Variants in GRID1 observed in about 807,000 individuals in gnomAD.
GRID1 encodes the protein glutamate receptor ionotropic, delta-1.
A neutral mutation model predicts 98.0 loss-of-function variants in GRID1; 28 were observed. The ratio of observed to expected loss-of-function variants is 0.29; its 90% CI spans 0.21 to 0.39. GRID1 has a LOEUF of 0.39. Among genes scored for constraint, GRID1 ranks in the 10% least tolerant of loss-of-function variants. The probability of loss-of-function intolerance (pLI) is 1.00; values close to 1 mark genes in which losing one functional copy is unlikely to be tolerated. For missense variants in GRID1, 1,111 were observed against 1,340.5 expected, an observed-to-expected ratio of 0.83 and a Z score of 2.67; for synonymous variants, 553 against 538.5, an observed-to-expected ratio of 1.03 and a Z score of -0.37.
At chr10:85,935,887 C>T (rs1841919222) in intron 4 of GRID1, among the ~76,000 whole-genome samples, 1 of 152,226 alleles carries the variant, frequency 6.6e-6, no homozygotes, top group African/African-American at 2.4e-5. Flanking sequence ...AAACTCTCTG[C>T]ACACTACCTT....
chr10:85,743,434 G>A (rs916471263), intron 8 of GRID1, among the ~76,000 whole-genome samples: 3 of 152,096 alleles, frequency 2.0e-5, no homozygotes, highest in Non-Finnish European at 2.9e-5. Context: ...TACAAAATTT[G>A]GGGTTGTCAT....
At chr10:86,183,631 T>A (rs1383135829) in intron 3 of GRID1, among the ~76,000 whole-genome samples, 1 of 152,232 alleles carries the variant, frequency 6.6e-6, no homozygotes, top group Non-Finnish European at 1.5e-5. Flanking sequence ...AGTGCTGGGA[T>A]TACAGGCGTG....
At chr10:85,643,692 C>T (rs1395869647) in intron 13 of GRID1, among the ~76,000 whole-genome samples, 2 of 152,036 alleles carry the variant, frequency 1.3e-5, no homozygotes, top group South Asian at 2.1e-4. Flanking sequence ...GTTATAAAAC[C>T]CTTAACATTT....
chr10:85,728,187 C>G, intron 9 of GRID1, 135 bp from the exon 10 acceptor site: 1 of 687,088 alleles, frequency 1.5e-6, no homozygotes, highest in East Asian at 2.6e-5. Flanking sequence ...CTCAACTTCT[C>G]TGCCTTTTTC....
rs546184360 is a variant in GRID1 at position 85,949,580 on chromosome 10, T to A, written c.727-33341A>T. ...GTTTCCAGGTTTTTGCTATTATGGA[T>A]GGTGCTGCCACATTGTTTGTGCTCT... On this transcript the variant is annotated intron_variant, in intron 4 of 15. Coordinates refer to ENST00000327946, the MANE Select transcript of GRID1 (RefSeq NM_017551.3). Among the ~76,000 whole-genome samples the A allele has an allele frequency of 1.5e-3, 224 of 152,322 alleles. 1 individual carries two copies. The highest frequency in any genetic ancestry group is 5.1e-3 in the African/African-American group (210 of 41,566).
At chr10:85,743,629 A>T (rs923635205) in intron 8 of GRID1, among the ~76,000 whole-genome samples, 3 of 152,154 alleles carry the variant, frequency 2.0e-5, no homozygotes, top group Admixed American at 2.0e-4. Flanking sequence ...AAATATTGGA[A>T]GCTGAAAAAG....
chr10:86,311,364 G>A (rs1444578847), intron 2 of GRID1, among the ~76,000 whole-genome samples: 3 of 152,200 alleles, frequency 2.0e-5, no homozygotes, highest in Non-Finnish European at 4.4e-5. Context: ...AGTCGGGGCA[G>A]CTGGGAGACC....
At chr10:86,037,452 T>C (rs1843281351) in intron 4 of GRID1, among the ~76,000 whole-genome samples, 1 of 152,196 alleles carries the variant, frequency 6.6e-6, no homozygotes, top group African/African-American at 2.4e-5. Flanking sequence ...TGAGGACTGA[T>C]GTGCTACTTT....
At chr10:85,839,300 A>G (rs534215791) in intron 8 of GRID1, among the ~76,000 whole-genome samples, 22 of 152,318 alleles carry the variant, frequency 1.4e-4, no homozygotes, top group African/African-American at 5.3e-4. Context: ...ACTTATGGAT[A>G]TCTACAGACC....
chr10:85,845,367 A>G (rs1268954961), intron 8 of GRID1, among the ~76,000 whole-genome samples: 1 of 152,188 alleles, frequency 6.6e-6, no homozygotes, highest in African/African-American at 2.4e-5. Context: ...TCAAATCTCT[A>G]CAGTGAAAGC....
chr10:85,777,085 C>T (rs555609136), intron 8 of GRID1, among the ~76,000 whole-genome samples: 1 of 152,332 alleles, frequency 6.6e-6, no homozygotes, highest in African/African-American at 2.4e-5. Context: ...TCAGCACAAA[C>T]CTCCACCTTC....
At chr10:85,977,565 C>G (rs979538987) in intron 4 of GRID1, among the ~76,000 whole-genome samples, 1 of 152,190 alleles carries the variant, frequency 6.6e-6, no homozygotes, top group African/African-American at 2.4e-5. Flanking sequence ...TTTCTAGCAA[C>G]ATAAAGTGAG....
rs1365627020 is a variant in GRID1 at position 85,875,914 on chromosome 10, G to C, written c.781-6734C>G. Reference sequence around the variant, plus strand: ...TAGAGACCTCAGACCTTATATCTGGGGTCATCTTCCTTCTCCTGAAGTATA... The same window carrying C: ...TAGAGACCTCAGACCTTATATCTGGCGTCATCTTCCTTCTCCTGAAGTATA... On this transcript the variant is annotated intron_variant, in intron 5 of 15. Transcript: ENST00000327946. 2.0e-5 allele frequency among the ~76,000 whole-genome samples: 3 copies of C among 151,998 alleles called. No individual in the cohort carries two copies. In the East Asian group the frequency reaches 5.8e-4, roughly 29 times the overall value.
chr10:86,117,764 C>A (rs141923123), intron 4 of GRID1, among the ~76,000 whole-genome samples: 2,396 of 152,332 alleles, frequency 0.016, 65 homozygotes, highest in African/African-American at 0.055. Context: ...CAATGTGATA[C>A]CACGTCACTC....
At chr10:85,933,917 C>G (rs1428001760) in intron 4 of GRID1, among the ~76,000 whole-genome samples, 1 of 152,232 alleles carries the variant, frequency 6.6e-6, no homozygotes, top group East Asian at 1.9e-4. Flanking sequence ...TTGATCAACA[C>G]ATCTTTCTAG....
intron 12 of GRID1, among the ~76,000 whole-genome samples, chr10:85,691,352 C>T (rs1436028254): frequency 6.6e-6 from 1 of 152,188 alleles, no homozygotes; most frequent in East Asian, 1.9e-4. Flanking sequence ...GCCCTATTTA[C>T]ACACACTTTT....
At chr10:86,289,763 C>A (rs752930082) in intron 2 of GRID1, among the ~76,000 whole-genome samples, 1 of 152,192 alleles carries the variant, frequency 6.6e-6, no homozygotes, top group Non-Finnish European at 1.5e-5. Flanking sequence ...AACAGAGTGT[C>A]CTACTCACCC....
intron 2 of GRID1, among the ~76,000 whole-genome samples, chr10:86,363,729 G>C (rs780199622): frequency 6.6e-6 from 1 of 152,220 alleles, no homozygotes; most frequent in South Asian, 2.1e-4. Context: ...CCCCGCGCTC[G>C]CAGGCTCTCC....
At chr10:85,729,659 G>C (rs542613369) in intron 8 of GRID1, 45 bp from the exon 9 acceptor site, 12 of 1,232,500 alleles carry the variant, frequency 9.7e-6, no homozygotes, top group Non-Finnish European at 1.4e-5. Flanking sequence ...ACTGGCACCC[G>C]TGCACACCAT....
Sources: gnomAD v4.1 joint callset for allele counts (sites outside exome capture counted in the v4.1 genomes callset) on GRCh38, gnomAD v4.1.1 for gene constraint, MANE v1.5 for transcripts, NCBI Gene and HGNC (gene_info 2026-07-23, HGNC 2026-07-21) for gene names.